Variants in BLOC1S3 observed in about 807,000 individuals in gnomAD.
The protein encoded by BLOC1S3 is biogenesis of lysosomal organelles complex 1 subunit 3, also known as biogenesis of lysosome-related organelles complex 1 subunit 3.
A neutral mutation model predicts 9.1 loss-of-function variants in BLOC1S3; 7 were observed. The ratio of observed to expected loss-of-function variants is 0.77; its 90% confidence interval spans 0.44 to 1.45. The LOEUF (loss-of-function observed/expected upper bound fraction) is 1.45. Among genes scored for constraint, BLOC1S3 ranks in the 40% most tolerant of loss-of-function variants. The pLI is 0.01. For missense variants in BLOC1S3, 307 were observed against 315.2 expected, an observed-to-expected ratio of 0.97 and a Z score of 0.20; for synonymous variants, 145 against 158.4, an observed-to-expected ratio of 0.92 and a Z score of 0.64.
intron 2 of BLOC1S3, among the ~76,000 whole-genome samples, chr19:45,200,468 C>A (rs570214599): frequency 1.3e-5 from 2 of 152,214 alleles, no homozygotes; most frequent in South Asian, 2.1e-4. Context: ...AGGTGTGAGA[C>A]ACCGTGCCCA....
At chr19:45,183,493 G>C (rs564589315), downstream of BLOC1S3, among the ~76,000 whole-genome samples, 184 of 150,930 alleles carry the variant, frequency 1.2e-3, 1 homozygote, top group Non-Finnish European at 2.3e-3. Context: ...AAAAAAAGTA[G>C]GTGCGGATCA....
intron 3 of BLOC1S3, among the ~76,000 whole-genome samples, chr19:45,215,812 G>GCCCTGCGCCC: frequency 6.6e-6 from 1 of 152,326 alleles, no homozygotes; most frequent in South Asian, 2.1e-4. Flanking sequence ...CCTCCAGGCA[G>GCCCTGCGCCC]CCCTGCGCCC....
At chr19:45,211,233 A>G (rs1238970893) in intron 3 of BLOC1S3, among the ~76,000 whole-genome samples, 1 of 152,166 alleles carries the variant, frequency 6.6e-6, no homozygotes, top group African/African-American at 2.4e-5. Context: ...ACAGTGGCTC[A>G]TGCCTGTCAT....
rs1367434592 is a variant in BLOC1S3, at chr19:45,180,306, G to C, written c.*401G>C. 1.9e-5 allele frequency: 3 copies of C among 158,978 alleles called. No homozygotes were observed. Among genetic ancestry groups the C allele is most frequent in the Non-Finnish European group, 2.7e-5 (2 of 73,794 alleles). 9.8% of individuals were successfully genotyped at this position (158,978 alleles called of 1,614,324 possible). A position where few individuals can be genotyped will look rare whatever the true frequency, so the allele number is the denominator to read the frequency against. ...CACCCAGGCTAGAGTGCAGTGGCGGGATTACTGCTCACTGCAACCTCGACC... is the reference window on the plus strand; with the variant it reads ...CACCCAGGCTAGAGTGCAGTGGCGGCATTACTGCTCACTGCAACCTCGACC... On this transcript the variant is annotated 3_prime_UTR_variant, in exon 2 of 2. Coordinates refer to ENST00000433642, the MANE Select transcript of BLOC1S3 (RefSeq NM_212550.5).
At chr19:45,184,768 C>T (rs957421574), downstream of BLOC1S3, among the ~76,000 whole-genome samples, 2 of 151,588 alleles carry the variant, frequency 1.3e-5, no homozygotes, top group East Asian at 1.9e-4. Flanking sequence ...GGCACGGTGG[C>T]GGGCACTTGT....
At chr19:45,189,478 G>T (rs1969589233) in intron 2 of BLOC1S3, among the ~76,000 whole-genome samples, 1 of 150,914 alleles carries the variant, frequency 6.6e-6, no homozygotes, top group African/African-American at 2.4e-5. Flanking sequence ...TGTTGCCCAG[G>T]CTGGAGTGTA....
chr19:45,181,126 T>C lies in BLOC1S3; in HGVS notation c.*1221T>C, dbSNP rs1969515603. On this transcript the variant is annotated 3_prime_UTR_variant, in exon 2 of 2. Transcript: ENST00000433642. Reference sequence around the variant, plus strand: ...CCTCCTGCCTCCTCCCCTTTGAGCTTAGCCCCGCCCTCTCAGCCTGATTTC... The same window carrying C: ...CCTCCTGCCTCCTCCCCTTTGAGCTCAGCCCCGCCCTCTCAGCCTGATTTC... The C allele has an allele frequency of 6.0e-6, 1 of 167,914 alleles. No individual in the cohort carries two copies. The allele number at this position is 167,914 out of a possible 1,614,324, so 10.4% of individuals were successfully genotyped here.
downstream of BLOC1S3, among the ~76,000 whole-genome samples, chr19:45,183,617 T>C (rs1276385027): frequency 1.4e-5 from 2 of 144,542 alleles, no homozygotes; most frequent in Admixed American, 6.9e-5. Context: ...CTTTTTCTTT[T>C]CTTTTCTTTT....
At chr19:45,207,511 T>C (rs1443616976) in intron 3 of BLOC1S3, among the ~76,000 whole-genome samples, 1 of 133,758 alleles carries the variant, frequency 7.5e-6, no homozygotes, top group Non-Finnish European at 1.5e-5. Context: ...CAAGTGCTAC[T>C]GCACTCCACA....
downstream of BLOC1S3, among the ~76,000 whole-genome samples, chr19:45,185,404 G>A (rs1007394365): frequency 1.3e-5 from 2 of 152,124 alleles, no homozygotes; most frequent in Non-Finnish European, 1.5e-5. Context: ...CTGTTGAGAC[G>A]TTCGGGCACA....
intron 3 of BLOC1S3, among the ~76,000 whole-genome samples, chr19:45,202,916 G>T (rs1215294450): frequency 6.6e-6 from 1 of 152,060 alleles, no homozygotes; most frequent in Non-Finnish European, 1.5e-5. Flanking sequence ...CTTCCCTTCT[G>T]GTCCAGGGTG....
intron 2 of BLOC1S3, among the ~76,000 whole-genome samples, chr19:45,201,482 C>T (rs1356006612): frequency 3.3e-5 from 5 of 152,140 alleles, no homozygotes; most frequent in Non-Finnish European, 1.5e-5. Context: ...CTGGCTTCCA[C>T]CAATGTTCAC....
chr19:45,179,898 G>T lies in BLOC1S3; in HGVS notation c.602G>T (p.Arg201Leu). 6.2e-7 allele frequency: 1 copy of T among 1,607,974 alleles called. No homozygotes were observed. The highest frequency in any genetic ancestry group is 2.3e-5 in the East Asian group (1 of 44,052). The part of the protein sequence containing the change: ...GTEPEKDPGP[R>L]A The stretch of plus-strand genomic sequence containing the variant: ...GAGCCTGAGAAAGACCCGGGGCCGC[G>T]GGCCTAGCCATGATTCTACTTCCCA... The change falls in exon 2 of 2, where the codon CGG becomes CTG. Residue 201 changes from arginine (R) to leucine (L), a missense_variant. Transcript: ENST00000433642. This position sits in a 1 kb window ranked among gnomAD's most constrained non-coding sequence, Gnocchi z 4.6.
downstream of BLOC1S3, among the ~76,000 whole-genome samples, chr19:45,183,623 C>CTTTTCTT (rs1969543813): frequency 9.5e-6 from 1 of 105,112 alleles, no homozygotes; most frequent in African/African-American, 4.1e-5. Flanking sequence ...CTTTTCTTTT[C>CTTTTCTT]TTTTTTTTTT....
At chr19:45,215,734 C>G (rs1449382313) in intron 3 of BLOC1S3, among the ~76,000 whole-genome samples, 2 of 152,144 alleles carry the variant, frequency 1.3e-5, no homozygotes, top group African/African-American at 4.8e-5. Context: ...TGTCCCAGTG[C>G]GTGTGCGCCC....
chr19:45,183,267 G>C (rs1969540206), downstream of BLOC1S3, among the ~76,000 whole-genome samples: 1 of 152,034 alleles, frequency 6.6e-6, no homozygotes, highest in Admixed American at 6.6e-5. Context: ...ATCACCTGAA[G>C]TCAGGAGTTC....
At chr19:45,213,237 A>G in intron 3 of BLOC1S3, 2 of 1,612,796 alleles carry the variant, frequency 1.2e-6, no homozygotes, top group Non-Finnish European at 1.7e-6. Flanking sequence ...CACGGTCCCG[A>G]GGGGGTGACA....
chr19:45,191,018 G>T (rs1969603394), intron 2 of BLOC1S3, among the ~76,000 whole-genome samples: 1 of 150,310 alleles, frequency 6.7e-6, no homozygotes, highest in African/African-American at 2.4e-5. Context: ...TGTTAGTCAG[G>T]ATGGTCTCGA....
At chr19:45,205,103 A>C (rs1409772284) in intron 3 of BLOC1S3, among the ~76,000 whole-genome samples, 1 of 152,144 alleles carries the variant, frequency 6.6e-6, no homozygotes, top group African/African-American at 2.4e-5. Context: ...ACATCCAATT[A>C]TAAGACAGAG....
Sources: gnomAD v4.1 joint callset for allele counts (sites outside exome capture counted in the v4.1 genomes callset) on GRCh38, gnomAD v4.1.1 for gene constraint, Gnocchi (gnomAD v3.1) non-coding constraint, MANE v1.5 for transcripts, NCBI Gene and HGNC (gene_info 2026-07-23, HGNC 2026-07-21) for gene names.